EDEM1: variants seen among roughly 807,000 people sequenced by gnomAD.
The protein encoded by EDEM1 is ER degradation-enhancing alpha-mannosidase-like protein 1.
In EDEM1, 67 loss-of-function variants were observed where a neutral mutation model predicts 74.4. The observed-to-expected ratio is 0.90, with a 90% CI of 0.74 to 1.10. The LOEUF (loss-of-function observed/expected upper bound fraction) is 1.10. Among genes scored for constraint, EDEM1 ranks in the 50% least tolerant of loss-of-function variants. The pLI is 0.00. For synonymous variants in EDEM1, 382 were observed against 335.9 expected, an observed-to-expected ratio of 1.14 and a Z score of -1.50; for missense variants, 926 against 851.6, an observed-to-expected ratio of 1.09 and a Z score of -1.09.
chr3:5,208,264 G>A lies in EDEM1; in HGVS notation c.1509+1G>A. ...GGAATCCACATATCTCCTCTACCAG[G>A]TACTAGAGTTGTGTTTTTTTTTTTT... On this transcript the variant is annotated splice_donor_variant, in intron 8 of 11. Transcript: ENST00000256497. LOFTEE classifies it high-confidence loss of function. 4 of 1,600,256 alleles carry A rather than the reference G, an allele frequency of 2.5e-6. No homozygotes were observed. Among genetic ancestry groups the A allele is most frequent in the South Asian group, 1.2e-5 (1 of 86,682 alleles).
At chr3:5,213,597 T>C in intron 11 of EDEM1, 75 bp downstream of exon 11, 4 of 1,405,084 alleles carry the variant, frequency 2.8e-6, no homozygotes, top group Non-Finnish European at 2.9e-6. Context: ...TTGTTCAGAC[T>C]TCCTGACAGA....
intron 1 of EDEM1, 91 bp downstream of exon 1, chr3:5,188,405 C>G (rs2054856610): frequency 1.6e-6 from 2 of 1,288,264 alleles, no homozygotes; most frequent in African/African-American, 1.6e-5. Flanking sequence ...CCGGGGCCCC[C>G]GAGGGCGCCA....
intron 5 of EDEM1, among the ~76,000 whole-genome samples, chr3:5,204,157 A>G (rs1036706332): frequency 6.6e-6 from 1 of 152,124 alleles, no homozygotes; most frequent in African/African-American, 2.4e-5. Context: ...CAAATAGTTG[A>G]CCAGTGTCAC....
intron 8 of EDEM1, among the ~76,000 whole-genome samples, chr3:5,208,483 T>C (rs965806457): frequency 4.6e-5 from 7 of 152,132 alleles, no homozygotes; most frequent in African/African-American, 1.7e-4. Context: ...AACCTAATAT[T>C]CTACAAAGCT....
At chr3:5,200,906 T>C (rs551723275) in intron 3 of EDEM1, among the ~76,000 whole-genome samples, 1 of 152,048 alleles carries the variant, frequency 6.6e-6, no homozygotes, top group South Asian at 2.1e-4. Context: ...AAATTTTTTT[T>C]TTCATTTTAG....
At chr3:5,188,365 C>T (rs1316321596) in intron 1 of EDEM1, 51 bp downstream of exon 1, 15 of 1,365,118 alleles carry the variant, frequency 1.1e-5, no homozygotes, top group Non-Finnish European at 1.4e-5. Context: ...TTCCTTCCGC[C>T]CTCCGCGCCG....
intron 1 of EDEM1, 162 bp downstream of exon 1, chr3:5,188,476 C>T (rs945161434): frequency 1.0e-5 from 8 of 790,862 alleles, no homozygotes; most frequent in Middle Eastern, 8.1e-4. Context: ...CCTGTGAAGA[C>T]CCCCGAGCTT....
rs2055248716 is a variant in EDEM1 at position 5,217,140 on chromosome 3, C to T, written c.*1222C>T. On this transcript the variant is annotated 3_prime_UTR_variant, in exon 12 of 12. Transcript: ENST00000256497. ...CGTGGTGAAAGGGGGATGGAAATTG[C>T]TTGGCCAGTCTTTGCCTTTCATCCT... The T allele has an allele frequency of 6.6e-6, 1 of 152,624 alleles. No individual in the cohort carries two copies. Among genetic ancestry groups the T allele is most frequent in the Non-Finnish European group, 1.5e-5 (1 of 68,046 alleles). The allele number at this position is 152,624 out of a possible 1,614,324, so 9.5% of individuals were successfully genotyped here.
At chr3:5,215,685 G>C in intron 11 of EDEM1, 144 bp from the exon 12 acceptor site, 1 of 743,470 alleles carries the variant, frequency 1.3e-6, no homozygotes, top group Non-Finnish European at 2.3e-6. Context: ...TGACCGTCCT[G>C]CAGTGTACAG....
At position 5,217,799 on chromosome 3, in the gene EDEM1, A is replaced by G. The variant is rs1220295030; in HGVS notation, c.*1881A>G. ...CTGACTCATTGAAAATGTTAATTAC[A>G]CACACATGCATGCATGCACACACGA... On this transcript the variant is annotated 3_prime_UTR_variant, in exon 12 of 12. Coordinates refer to ENST00000256497, the MANE Select transcript of EDEM1 (RefSeq NM_014674.3). 1 of 152,224 alleles carries G rather than the reference A, an allele frequency of 6.6e-6. No individual in the cohort carries two copies. Among genetic ancestry groups the G allele is most frequent in the Non-Finnish European group, 1.5e-5 (1 of 68,044 alleles). The allele number at this position is 152,224 out of a possible 1,614,324, so 9.4% of individuals were successfully genotyped here.
intron 8 of EDEM1, among the ~76,000 whole-genome samples, chr3:5,208,790 T>C (rs576648570): frequency 1.2e-4 from 18 of 150,058 alleles, no homozygotes; most frequent in South Asian, 8.4e-4. Context: ...CACACACACA[T>C]ATATATGTAA....
At chr3:5,214,140 A>G (rs2034766381) in intron 11 of EDEM1, among the ~76,000 whole-genome samples, 1 of 152,270 alleles carries the variant, frequency 6.6e-6, no homozygotes, top group African/African-American at 2.4e-5. Context: ...CCTGAGAAGC[A>G]GCAGGAAAAA....
chr3:5,195,798 G>C (rs990312834), intron 2 of EDEM1, among the ~76,000 whole-genome samples: 1 of 152,220 alleles, frequency 6.6e-6, no homozygotes, highest in Non-Finnish European at 1.5e-5. Flanking sequence ...GCCAACGTGG[G>C]TGCTGGCATT....
Position 5,195,052 on chromosome 3 carries a change from T to G in EDEM1, c.510-157T>G, listed in dbSNP as rs530223933. On this transcript the variant is annotated intron_variant, in intron 1 of 11. Coordinates refer to ENST00000256497, the MANE Select transcript of EDEM1 (RefSeq NM_014674.3). ...TATGGACACCATAGAAAGTGTTACT[T>G]TGGGGGTAGAAAGACCTTTGCTGTA... is the stretch of plus-strand genomic sequence containing the variant. The G allele has an allele frequency of 2.3e-4, 98 of 431,886 alleles. 1 individual carries two copies. The South Asian group carries it at 2.7e-3, about 12-fold the overall frequency. The allele number at this position is 431,886 out of a possible 1,614,324, so 26.8% of individuals were successfully genotyped here. A position where few individuals can be genotyped will look rare whatever the true frequency, so the allele number is the denominator to read the frequency against.
At chr3:5,214,612 A>T (rs2055208429) in intron 11 of EDEM1, among the ~76,000 whole-genome samples, 1 of 152,218 alleles carries the variant, frequency 6.6e-6, no homozygotes, top group South Asian at 2.1e-4. Context: ...ACGCTTACGT[A>T]CATTAATCTG....
At position 5,210,258 on chromosome 3, in the gene EDEM1, C is replaced by A. The variant is rs1234978380; in HGVS notation, c.1583+10C>A. ...AGTACACAAAAGTCAAGTCAGTTTT[C>A]TAAGTTCCTACCTTTTTCTGTCAGC... On this transcript the variant is annotated intron_variant, in intron 9 of 11. Coordinates refer to ENST00000256497, the MANE Select transcript of EDEM1 (RefSeq NM_014674.3). 1 of 1,612,008 alleles carries A rather than the reference C, an allele frequency of 6.2e-7. No individual in the cohort carries two copies. The highest frequency in any genetic ancestry group is 1.3e-5 in the African/African-American group (1 of 74,888).
At position 5,188,020 on chromosome 3, in the gene EDEM1, T is replaced by C. The variant is rs932949159; in HGVS notation, c.215T>C (p.Leu72Pro). 4 of 1,466,072 alleles carry C rather than the reference T, an allele frequency of 2.7e-6. No homozygotes were observed. The highest frequency in any genetic ancestry group is 3.6e-6 in the Non-Finnish European group (4 of 1,112,644). The allele number at this position is 1,466,072 out of a possible 1,614,324, so 90.8% of individuals were successfully genotyped here. A position where few individuals can be genotyped will look rare whatever the true frequency, so the allele number is the denominator to read the frequency against. Reference sequence around the variant, plus strand: ...GGGGGGGTATCCGGGCCGTCGTGGCTGCAGCCGCCGGGGACCGGGGCAGCG... The same window carrying C: ...GGGGGGGTATCCGGGCCGTCGTGGCCGCAGCCGCCGGGGACCGGGGCAGCG... The part of the protein sequence containing the change: ...RPGGVSGPSW[L>P]QPPGTGAAQS... Residue 72 changes from leucine (L) to proline (P), a missense_variant, in exon 1 of 12, where the codon CTG becomes CCG. Leu to Pro is a moderately conservative substitution (Grantham distance 98). Coordinates refer to ENST00000256497, the MANE Select transcript of EDEM1 (RefSeq NM_014674.3).
intron 2 of EDEM1, among the ~76,000 whole-genome samples, chr3:5,195,705 C>G (rs371471128): frequency 2.0e-5 from 3 of 152,220 alleles, no homozygotes; most frequent in Admixed American, 6.5e-5. Context: ...GGAGCCCTAG[C>G]GCCCATCCTT....
In EDEM1 at chr3:5,188,053, C is replaced by G; in HGVS notation, c.248C>G (p.Pro83Arg). 2.1e-6 allele frequency: 3 copies of G among 1,433,266 alleles called. No individual in the cohort carries two copies. The highest frequency in any genetic ancestry group is 3.0e-5 in the Admixed American group (1 of 33,110). The allele number at this position is 1,433,266 out of a possible 1,614,324, so 88.8% of individuals were successfully genotyped here. ...QPPGTGAAQS[P>R]RKAPRRPGPG... ...CCGGGGACCGGGGCAGCGCAGAGCC[C>G]GCGCAAGGCTCCGCGGCGTCCTGGG... The change falls in exon 1 of 12, where the codon CCG becomes CGG. Residue 83 changes from proline to arginine, a missense_variant. By Grantham distance (103) the Pro-to-Arg change is moderately radical. Transcript: ENST00000256497.
Sources: allele counts gnomAD v4.1 joint callset (sites outside exome capture counted in the v4.1 genomes callset), GRCh38; gene constraint gnomAD v4.1.1; transcripts MANE v1.5; gene names NCBI Gene and HGNC (gene_info 2026-07-23, HGNC 2026-07-21).